LPAR1: variants seen among roughly 807,000 people sequenced by gnomAD.
LPAR1 encodes LPA receptor 1.
A neutral mutation model predicts 23.8 loss-of-function variants in LPAR1; 5 were observed. The observed-to-expected ratio is 0.21, with a 90% CI of 0.11 to 0.44. The LOEUF (loss-of-function observed/expected upper bound fraction) is 0.44, where lower values mean the gene tolerates loss of function less well. LPAR1 is among the 20% of genes least tolerant of loss of function. The pLI, the probability that LPAR1 is intolerant of heterozygous loss-of-function variation, is 0.99. For synonymous variants in LPAR1, 160 were observed against 164.7 expected, an observed-to-expected ratio of 0.97 and a Z score of 0.22; for missense variants, 311 against 482.8, an observed-to-expected ratio of 0.64 and a Z score of 3.33.
intron 4 of LPAR1, among the ~76,000 whole-genome samples, chr9:110,944,753 C>T (rs2095311396): frequency 6.6e-6 from 1 of 152,166 alleles, no homozygotes; most frequent in African/African-American, 2.4e-5. Flanking sequence ...GAAAAGTGCC[C>T]TGTCCTATGC....
intron 2 of LPAR1, among the ~76,000 whole-genome samples, chr9:110,976,274 T>C (rs1308533739): frequency 1.4e-5 from 2 of 147,206 alleles, no homozygotes; most frequent in Non-Finnish European, 3.0e-5. Context: ...GGGTGGATCA[T>C]GAGGTCAGGA....
At chr9:110,984,196 CTTA>C (rs2139189478) in intron 2 of LPAR1, among the ~76,000 whole-genome samples, 1 of 152,014 alleles carries the variant, frequency 6.6e-6, no homozygotes, top group South Asian at 2.1e-4. Context: ...AATACTAGAT[CTTA>C]TTCATTCTAT....
chr9:110,972,379 C>T (rs1165544682), intron 3 of LPAR1, among the ~76,000 whole-genome samples, 159 bp from the exon 4 acceptor site: 2 of 152,130 alleles, frequency 1.3e-5, no homozygotes, highest in Non-Finnish European at 2.9e-5. Context: ...GGTCTAAAAG[C>T]CACGACTTCT....
At chr9:110,926,829 G>T (rs1013054489) in intron 5 of LPAR1, among the ~76,000 whole-genome samples, 3 of 152,124 alleles carry the variant, frequency 2.0e-5, no homozygotes, top group Non-Finnish European at 4.4e-5. Context: ...CATTTCAGTG[G>T]AAAAGGTGAA....
intron 2 of LPAR1, among the ~76,000 whole-genome samples, chr9:111,028,862 GCAACTTCCCCCAGACGT>G (rs989861407): frequency 3.2e-4 from 49 of 152,060 alleles, no homozygotes; most frequent in Non-Finnish European, 6.8e-4. Flanking sequence ...AACTATATCT[GCAACTTCCCCCAGACGT>G]CAAATCACCA....
At chr9:111,012,133 C>A (rs1417191407) in intron 2 of LPAR1, among the ~76,000 whole-genome samples, 1 of 152,160 alleles carries the variant, frequency 6.6e-6, no homozygotes, top group African/African-American at 2.4e-5. Flanking sequence ...CATCTGTGGT[C>A]CCAACTACTC....
chr9:110,934,073 C>T (rs567047280), intron 5 of LPAR1, among the ~76,000 whole-genome samples: 72 of 152,304 alleles, frequency 4.7e-4, no homozygotes, highest in African/African-American at 1.6e-3. Flanking sequence ...GCCAAACAAT[C>T]GAGGCTCTCA....
At chr9:111,017,031 T>C (rs1427184048) in intron 2 of LPAR1, among the ~76,000 whole-genome samples, 1 of 152,094 alleles carries the variant, frequency 6.6e-6, no homozygotes, top group East Asian at 1.9e-4. Context: ...CATGAAGAGT[T>C]CTCCTCCCAG....
rs145469870 is a variant in LPAR1 at position 110,943,458 on chromosome 9, T to A, written c.46-1290A>T. Among the ~76,000 whole-genome samples the A allele has an allele frequency of 3.0e-3, 456 of 152,292 alleles. 1 individual carries two copies. Among genetic ancestry groups the A allele is most frequent in the Admixed American group, 5.1e-3 (78 of 15,286 alleles). On this transcript the variant is annotated intron_variant, in intron 4 of 5. Transcript: ENST00000683809. Reference sequence around the variant, plus strand: ...GTTAGTCTTCTGACTTACCCAGGCATCTAAAGTCTCTTTCCTTATCTAGAC... The same window carrying A: ...GTTAGTCTTCTGACTTACCCAGGCAACTAAAGTCTCTTTCCTTATCTAGAC...
At chr9:110,910,084 A>G (rs1174752720) in intron 5 of LPAR1, among the ~76,000 whole-genome samples, 1 of 152,146 alleles carries the variant, frequency 6.6e-6, no homozygotes, top group East Asian at 1.9e-4. Flanking sequence ...GTTTCACAAC[A>G]TAACTGACCA....
chr9:110,897,537 G>A (rs756832809), intron 5 of LPAR1, among the ~76,000 whole-genome samples: 5 of 152,142 alleles, frequency 3.3e-5, no homozygotes, highest in Non-Finnish European at 7.3e-5. Context: ...TTATGCATCA[G>A]AACTACAAAC....
At chr9:111,031,136 T>A (rs1026169403) in intron 2 of LPAR1, among the ~76,000 whole-genome samples, 30 of 149,578 alleles carry the variant, frequency 2.0e-4, no homozygotes, top group Admixed American at 5.4e-4. Context: ...CAAAAAAAAA[T>A]TTTGTAAATG....
intron 5 of LPAR1, among the ~76,000 whole-genome samples, chr9:110,902,738 C>T (rs10980625): frequency 0.097 from 14,710 of 152,020 alleles, 983 homozygotes; most frequent in Admixed American, 0.19. Flanking sequence ...GGGGATCCTG[C>T]CACAAAAAAA....
At chr9:111,005,401 C>G (rs1300204954) in intron 2 of LPAR1, among the ~76,000 whole-genome samples, 1 of 151,268 alleles carries the variant, frequency 6.6e-6, no homozygotes, top group Non-Finnish European at 1.5e-5. Flanking sequence ...AAAAAATTAG[C>G]TGGGTGTGGT....
intron 4 of LPAR1, among the ~76,000 whole-genome samples, chr9:110,959,156 T>G (rs1199578097): frequency 3.5e-5 from 3 of 86,038 alleles, no homozygotes; most frequent in African/African-American, 1.1e-4. Flanking sequence ...AAAAACAGTA[T>G]GAAGATGTCT....
chr9:110,912,371 T>C (rs925497782), intron 5 of LPAR1, among the ~76,000 whole-genome samples: 1 of 152,184 alleles, frequency 6.6e-6, no homozygotes, highest in Non-Finnish European at 1.5e-5. Flanking sequence ...AAATATTTGA[T>C]CCCTGACCCA....
At chr9:110,879,417 C>CAAAAAAAAAAAA (rs71371692) in intron 5 of LPAR1, among the ~76,000 whole-genome samples, 3 of 47,180 alleles carry the variant, frequency 6.4e-5, no homozygotes, top group East Asian at 8.4e-4. Context: ...GACTCCATCT[C>CAAAAAAAAAAAA]AAAAAAAAAA....
rs577740418 is a variant in LPAR1, at chr9:110,932,232, G to T, written c.793+9189C>A. Among the ~76,000 whole-genome samples the T allele has an allele frequency of 3.3e-5, 5 of 152,284 alleles. No homozygotes were observed. In the East Asian group the frequency reaches 7.7e-4, roughly 23 times the overall value. On this transcript the variant is annotated intron_variant, in intron 5 of 5. Transcript: ENST00000683809. ...TGTAGTCATTCAGCAAATATCTAGA[G>T]TGCCAGGACCTATTCTAGGTGCTGG...
chr9:110,961,775 C>A (rs548021387), intron 4 of LPAR1, among the ~76,000 whole-genome samples: 1 of 152,098 alleles, frequency 6.6e-6, no homozygotes, highest in South Asian at 2.1e-4. Context: ...TACAGGGGAA[C>A]TGCCCTTTAT....
Sources: gnomAD v4.1 joint callset for allele counts (sites outside exome capture counted in the v4.1 genomes callset) on GRCh38, gnomAD v4.1.1 for gene constraint, MANE v1.5 for transcripts, NCBI Gene and HGNC (gene_info 2026-07-23, HGNC 2026-07-21) for gene names.